The following SEMA5A variants were observed in gnomAD, a reference collection of about 807,000 sequenced individuals.
The protein encoded by SEMA5A is semaphorin-5A.
SEMA5A carries 55 observed loss-of-function variants against 135.5 expected under a neutral mutation model. The observed-to-expected ratio is 0.41, with a 90% CI of 0.33 to 0.51. The LOEUF is 0.51. Among genes scored for constraint, SEMA5A ranks in the 20% least tolerant of loss-of-function variants. The probability of loss-of-function intolerance (pLI) is 0.37; values close to 1 mark genes in which losing one functional copy is unlikely to be tolerated. For missense variants in SEMA5A, 1,290 were observed against 1,419.9 expected (o/e 0.91, Z 1.47); for synonymous variants, 580 against 546.5 (o/e 1.06, Z -0.85).
intron 1 of SEMA5A, among the ~76,000 whole-genome samples, chr5:9,446,857 A>G (rs1443541624): frequency 4.6e-5 from 7 of 152,218 alleles, no homozygotes; most frequent in Non-Finnish European, 8.8e-5. Context: ...ACATAAAAAA[A>G]GGGCTGGGTT....
intron 21 of SEMA5A, among the ~76,000 whole-genome samples, chr5:9,046,412 T>G (rs929040075): frequency 6.6e-6 from 1 of 152,324 alleles, no homozygotes; most frequent in East Asian, 1.9e-4. Context: ...TTTTCTGAGC[T>G]GTCTTCCCTG....
intron 5 of SEMA5A, among the ~76,000 whole-genome samples, chr5:9,291,293 A>G (rs1038598869): frequency 8.5e-5 from 13 of 152,266 alleles, no homozygotes; most frequent in African/African-American, 3.1e-4. Context: ...TGTCCCCCAC[A>G]GGCTCTCCTG....
At chr5:9,382,124 C>T (rs922551813) in intron 2 of SEMA5A, among the ~76,000 whole-genome samples, 10 of 151,880 alleles carry the variant, frequency 6.6e-5, no homozygotes, top group African/African-American at 1.7e-4. Context: ...AATGAGATTT[C>T]GTCTCTACAA....
chr5:9,175,939 T>A (rs546587307), intron 11 of SEMA5A, among the ~76,000 whole-genome samples: 6 of 152,318 alleles, frequency 3.9e-5, no homozygotes, highest in Non-Finnish European at 2.9e-5. Context: ...ATAGGCAGAT[T>A]CCTAAAACAG....
chr5:9,203,783 T>C (rs1745855423), intron 8 of SEMA5A, among the ~76,000 whole-genome samples: 1 of 152,138 alleles, frequency 6.6e-6, no homozygotes. Flanking sequence ...TCCAACATAT[T>C]CTTAAGTCAC....
chr5:9,098,276 T>TAAAA (rs1739437400), intron 16 of SEMA5A, among the ~76,000 whole-genome samples: 1 of 151,042 alleles, frequency 6.6e-6, no homozygotes, highest in South Asian at 2.1e-4. Flanking sequence ...AATAAATAAA[T>TAAAA]AAAATGAACA....
chr5:9,416,326 A>T (rs540609833), intron 2 of SEMA5A, among the ~76,000 whole-genome samples: 4 of 152,288 alleles, frequency 2.6e-5, no homozygotes, highest in Non-Finnish European at 4.4e-5. Context: ...GGGGGAGTGG[A>T]CTGTCCACTC....
At chr5:9,443,173 C>T (rs1178271908) in intron 1 of SEMA5A, among the ~76,000 whole-genome samples, 4 of 152,176 alleles carry the variant, frequency 2.6e-5, no homozygotes, top group Non-Finnish European at 5.9e-5. Flanking sequence ...CAGGAATGTG[C>T]TTGGATAAAT....
intron 1 of SEMA5A, among the ~76,000 whole-genome samples, chr5:9,451,902 C>G (rs1052231291): frequency 1.3e-5 from 2 of 152,142 alleles, no homozygotes; most frequent in African/African-American, 2.4e-5. Context: ...ATGGAGGAAA[C>G]AACAAGTAAG....
At chr5:9,108,424 A>G in intron 15 of SEMA5A, 137 bp from the exon 16 acceptor site, 1 of 943,274 alleles carries the variant, frequency 1.1e-6, no homozygotes. Flanking sequence ...TATTTTGAGC[A>G]GTTGCACCAT....
chr5:9,319,992 A>G (rs767775031), intron 4 of SEMA5A, among the ~76,000 whole-genome samples: 5 of 152,188 alleles, frequency 3.3e-5, no homozygotes, highest in Non-Finnish European at 5.9e-5. Context: ...GCCGGCACTC[A>G]GAAGCACATG....
In SEMA5A at chr5:9,042,947, TCTTCCC is replaced by T; in HGVS notation, c.3169_3174del (p.Gly1057_Lys1058del). 6.2e-7 allele frequency: 1 copy of T among 1,613,374 alleles called. No homozygotes were observed. The highest frequency in any genetic ancestry group is 8.5e-7 in the Non-Finnish European group (1 of 1,179,362). On this transcript the variant is annotated inframe_deletion, in exon 23 of 23. Transcript: ENST00000382496. Reference sequence around the variant, plus strand: ...TCTGTAAAGTAGGCATTAGAATAGGTCTTCCCAGTGAGATGTGGGTTGAAGTATTTG... The same window carrying T: ...TCTGTAAAGTAGGCATTAGAATAGGTAGTGAGATGTGGGTTGAAGTATTTG...
chr5:9,302,824 A>C (rs981271130), intron 5 of SEMA5A, among the ~76,000 whole-genome samples: 1 of 152,188 alleles, frequency 6.6e-6, no homozygotes, highest in African/African-American at 2.4e-5. Flanking sequence ...AACAGCAGGA[A>C]GAAAAAGAGG....
intron 1 of SEMA5A, among the ~76,000 whole-genome samples, chr5:9,454,913 T>G (rs2126713331): frequency 6.6e-6 from 1 of 152,346 alleles, no homozygotes; most frequent in East Asian, 1.9e-4. Flanking sequence ...AGATGACATG[T>G]GTTCTCAGAT....
chr5:9,089,270 C>T (rs1443224761), intron 16 of SEMA5A, among the ~76,000 whole-genome samples: 1 of 152,120 alleles, frequency 6.6e-6, no homozygotes, highest in Non-Finnish European at 1.5e-5. Context: ...AGCGGCCATC[C>T]CTTGGATAAT....
chr5:9,314,373 G>GAAA lies in SEMA5A; in HGVS notation c.270+3996_270+3998dup, dbSNP rs34088756. On this transcript the variant is annotated intron_variant, in intron 5 of 22. Coordinates refer to ENST00000382496, the MANE Select transcript of SEMA5A (RefSeq NM_003966.3). Reference sequence around the variant, plus strand: ...ACTGGAGTTTGAAGACTGAGTTCCAGAAAAAAAAAAAAAAAGTGCAACAGA... The same window carrying GAAA: ...ACTGGAGTTTGAAGACTGAGTTCCAGAAAAAAAAAAAAAAAAAAGTGCAACAGA... 1.7e-3 allele frequency among the ~76,000 whole-genome samples: 202 copies of GAAA among 120,518 alleles called. 3 individuals carry two copies. The highest frequency in any genetic ancestry group is 5.0e-3 in the African/African-American group (182 of 36,462). The allele number at this position is 120,518 out of a possible 152,430, so 79.1% of individuals were successfully genotyped here. A position where few individuals can be genotyped will look rare whatever the true frequency, so the allele number is the denominator to read the frequency against.
intron 5 of SEMA5A, among the ~76,000 whole-genome samples, chr5:9,242,459 C>T (rs1748252161): frequency 6.6e-6 from 1 of 152,192 alleles, no homozygotes; most frequent in South Asian, 2.1e-4. Context: ...TTTCAGTATA[C>T]TTTCATTTCC....
intron 6 of SEMA5A, among the ~76,000 whole-genome samples, chr5:9,229,774 C>A (rs1166717213): frequency 6.9e-6 from 1 of 145,302 alleles, no homozygotes; most frequent in Non-Finnish European, 1.5e-5. Flanking sequence ...AAACCACAAA[C>A]AACATGGGCA....
chr5:9,456,547 CA>C (rs1368044936), intron 1 of SEMA5A, among the ~76,000 whole-genome samples: 3 of 152,152 alleles, frequency 2.0e-5, no homozygotes, highest in Non-Finnish European at 4.4e-5. Context: ...TAGGAGCTAA[CA>C]AAAAGCAGAT....
Sources: allele counts gnomAD v4.1 joint callset (sites outside exome capture counted in the v4.1 genomes callset), GRCh38; gene constraint gnomAD v4.1.1; transcripts MANE v1.5; gene names NCBI Gene and HGNC (gene_info 2026-07-23, HGNC 2026-07-21).